TRPC4AP: variants seen among roughly 807,000 people sequenced by gnomAD.
TRPC4AP encodes the protein transient receptor potential cation channel subfamily C member 4 associated protein.
A neutral mutation model predicts 99.0 loss-of-function variants in TRPC4AP; 45 were observed. That is an observed-to-expected ratio of 0.45 (90% CI 0.36 to 0.58). The LOEUF (loss-of-function observed/expected upper bound fraction) is 0.58, where lower values mean the gene tolerates loss of function less well. TRPC4AP is among the 20% of genes least tolerant of loss of function. The pLI, the probability that TRPC4AP is intolerant of heterozygous loss-of-function variation, is 0.00. For synonymous variants in TRPC4AP, 408 were observed against 385.8 expected (o/e 1.06, Z -0.67); for missense variants, 879 against 985.3 (o/e 0.89, Z 1.44).
chr20:35,025,590 T>C (rs1367019744), intron 8 of TRPC4AP, among the ~76,000 whole-genome samples: 1 of 152,196 alleles, frequency 6.6e-6, no homozygotes, highest in Non-Finnish European at 1.5e-5. Context: ...CCTTTGTCTA[T>C]ATTTTGAAAT....
chr20:35,014,335 T>TTTTTTG (rs10681837), intron 10 of TRPC4AP, among the ~76,000 whole-genome samples: 1 of 148,052 alleles, frequency 6.8e-6, no homozygotes, highest in African/African-American at 2.5e-5. Context: ...TTTTTTTTTT[T>TTTTTTG]GAGACACAGT....
rs139312615 is a variant in TRPC4AP, at chr20:35,008,185, G to A, written c.1595+479C>T. Among the ~76,000 whole-genome samples, 353 of 152,286 alleles carry A rather than the reference G, an allele frequency of 2.3e-3. 1 individual carries two copies. Among genetic ancestry groups the A allele is most frequent in the African/African-American group, 8.2e-3 (342 of 41,556 alleles). ...TGAAGCCTCCTGACAGCTCACGCCC[G>A]GCCCTGATGGAACTCTACCTGTCCA... On this transcript the variant is annotated intron_variant, in intron 13 of 18. Coordinates refer to ENST00000252015, the MANE Select transcript of TRPC4AP (RefSeq NM_015638.3).
intron 7 of TRPC4AP, among the ~76,000 whole-genome samples, chr20:35,042,314 T>C (rs1165778498): frequency 6.6e-6 from 1 of 152,180 alleles, no homozygotes; most frequent in Non-Finnish European, 1.5e-5. Context: ...TATTCCCTAA[T>C]AACCTACAAA....
chr20:35,039,723 T>A (rs1241985535), intron 7 of TRPC4AP, among the ~76,000 whole-genome samples: 2 of 152,072 alleles, frequency 1.3e-5, no homozygotes, highest in Non-Finnish European at 2.9e-5. Flanking sequence ...TTCATTTACA[T>A]CTCTGCTAAG....
chr20:35,018,265 G>C (rs2082798671), intron 9 of TRPC4AP, among the ~76,000 whole-genome samples: 2 of 152,262 alleles, frequency 1.3e-5, no homozygotes, highest in East Asian at 1.9e-4. Context: ...TTAGGTTTGA[G>C]GTTTCTACTA....
intron 8 of TRPC4AP, among the ~76,000 whole-genome samples, chr20:35,025,222 A>G (rs1371557584): frequency 6.6e-6 from 1 of 152,134 alleles, no homozygotes; most frequent in African/African-American, 2.4e-5. Flanking sequence ...TCTATCATCT[A>G]GACTACTTAA....
chr20:35,023,522 T>C (rs1364308034), intron 8 of TRPC4AP, among the ~76,000 whole-genome samples: 4 of 152,216 alleles, frequency 2.6e-5, no homozygotes, highest in African/African-American at 9.7e-5. Flanking sequence ...AAAAATTTAC[T>C]GGAGAAATTT....
intron 4 of TRPC4AP, among the ~76,000 whole-genome samples, chr20:35,057,235 G>A (rs1467741580): frequency 1.3e-5 from 2 of 152,152 alleles, no homozygotes; most frequent in African/African-American, 4.8e-5. Flanking sequence ...CTAGTTATAT[G>A]TGAGAAAGAA....
At chr20:35,048,418 C>G (rs1392452573) in intron 6 of TRPC4AP, among the ~76,000 whole-genome samples, 1 of 152,058 alleles carries the variant, frequency 6.6e-6, no homozygotes, top group Non-Finnish European at 1.5e-5. Context: ...TGGGTTTTGC[C>G]ATGATGGCCA....
At chr20:35,028,929 C>T (rs932812429) in intron 8 of TRPC4AP, among the ~76,000 whole-genome samples, 2 of 152,150 alleles carry the variant, frequency 1.3e-5, no homozygotes, top group Non-Finnish European at 2.9e-5. Context: ...CTATTTTGCT[C>T]TGATAACAGT....
chr20:35,092,657 C>A lies in TRPC4AP; in HGVS notation c.125G>T (p.Arg42Leu). Residue 42 changes from arginine to leucine, a missense_variant, in exon 1 of 19, where the codon CGG becomes CTG. Physicochemically the swap from Arg to Leu is moderately radical, Grantham distance 102 (BLOSUM62 -2). Coordinates refer to ENST00000252015, the MANE Select transcript of TRPC4AP (RefSeq NM_015638.3). ...PRPGNILLQL[R>L]QGQLTGRGLV... ...GCCCCGGCCGGTCAGCTGGCCCTGC[C>A]GCAGCTGCAGCAGAATGTTACCAGG... The A allele has an allele frequency of 6.6e-7, 1 of 1,520,840 alleles. No individual in the cohort carries two copies. Among genetic ancestry groups the A allele is most frequent in the Admixed American group, 2.0e-5 (1 of 50,176 alleles). 94.2% of individuals were successfully genotyped at this position (1,520,840 alleles called of 1,614,324 possible).
intron 7 of TRPC4AP, among the ~76,000 whole-genome samples, chr20:35,039,733 G>GA: frequency 6.6e-6 from 1 of 152,180 alleles, no homozygotes; most frequent in African/African-American, 2.4e-5. Context: ...TCTCTGCTAA[G>GA]AATCTTGAAA....
chr20:35,078,266 C>G (rs925697934), intron 1 of TRPC4AP, 92 bp from the exon 2 acceptor site: 7 of 1,378,108 alleles, frequency 5.1e-6, no homozygotes, highest in Non-Finnish European at 6.9e-6. Flanking sequence ...CAAACCCACC[C>G]AGGACAGTTA....
At position 35,008,657 on chromosome 20, in the gene TRPC4AP, G is replaced by T. The variant is rs774424611; in HGVS notation, c.1595+7C>A. On this transcript the variant is annotated splice_region_variant and intron_variant, in intron 13 of 18. Coordinates refer to ENST00000252015, the MANE Select transcript of TRPC4AP (RefSeq NM_015638.3). ...CAGAATCGGCAGGTACTTTTCCCCA[G>T]ACTCACCTGAAAGACGACTCTGCTG... 1 of 1,612,744 alleles carries T rather than the reference G, an allele frequency of 6.2e-7. No individual in the cohort carries two copies. Among genetic ancestry groups the T allele is most frequent in the South Asian group, 1.1e-5 (1 of 90,884 alleles).
In TRPC4AP at chr20:35,032,271, C is replaced by T. The variant is rs6142275; in HGVS notation, c.1051+2852G>A. ...AACTCCTGGCCTCAAATGCTCTGCC[C>T]GCCTCAGCCTCCCAAAGTGCTGGGA... On this transcript the variant is annotated intron_variant, in intron 8 of 18. Coordinates refer to ENST00000252015, the MANE Select transcript of TRPC4AP (RefSeq NM_015638.3). 1.1e-3 allele frequency among the ~76,000 whole-genome samples: 171 copies of T among 152,208 alleles called. 5 individuals carry two copies. In the East Asian group the frequency reaches 0.018, roughly 16 times the overall value.
intron 6 of TRPC4AP, among the ~76,000 whole-genome samples, chr20:35,048,236 G>C (rs1422635748): frequency 7.0e-6 from 1 of 142,772 alleles, no homozygotes; most frequent in Non-Finnish European, 1.5e-5. Context: ...TTTTGAGAGG[G>C]AGTCTTGCTC....
intron 2 of TRPC4AP, 24 bp downstream of exon 2, chr20:35,078,022 C>A: frequency 6.3e-7 from 1 of 1,583,220 alleles, no homozygotes; most frequent in Non-Finnish European, 8.6e-7. Context: ...CTGAATACGC[C>A]CCTCCAAGGT....
chr20:35,085,836 TAC>T (rs2084826877), intron 1 of TRPC4AP, among the ~76,000 whole-genome samples: 1 of 152,192 alleles, frequency 6.6e-6, no homozygotes. Context: ...TCTAGACATT[TAC>T]AGTTTCCACT....
chr20:35,020,086 A>C (rs1569091407), intron 9 of TRPC4AP, among the ~76,000 whole-genome samples: 1 of 152,080 alleles, frequency 6.6e-6, no homozygotes, highest in Admixed American at 6.5e-5. Context: ...CCTCACTCTT[A>C]AGTTCACATC....
Sources: gnomAD v4.1 joint callset for allele counts (sites outside exome capture counted in the v4.1 genomes callset) on GRCh38, gnomAD v4.1.1 for gene constraint, MANE v1.5 for transcripts, NCBI Gene and HGNC (gene_info 2026-07-23, HGNC 2026-07-21) for gene names.